The following SPINK2 variants were observed in gnomAD, a reference collection of about 807,000 sequenced individuals.
The protein encoded by SPINK2 is serine peptidase inhibitor Kazal type 2.
SPINK2 carries 8 observed loss-of-function variants against 13.5 expected under a neutral mutation model. The observed-to-expected ratio is 0.59, with a 90% CI of 0.35 to 1.07. SPINK2 has a LOEUF of 1.07. SPINK2 is among the 50% of genes least tolerant of loss of function. The pLI is 0.02. For synonymous variants in SPINK2, 76 were observed against 74.7 expected (o/e 1.02, Z -0.09); for missense variants, 148 against 180.3 (o/e 0.82, Z 1.03).
At chr4:56,815,717 C>A (rs900730827) in intron 2 of SPINK2, among the ~76,000 whole-genome samples, 2 of 150,582 alleles carry the variant, frequency 1.3e-5, no homozygotes, top group African/African-American at 4.9e-5. Context: ...AACAAACAAA[C>A]AACAAAGATG....
intron 3 of SPINK2, chr4:56,810,689 A>G (rs1716903450): frequency 6.6e-6 from 1 of 152,540 alleles, no homozygotes; most frequent in Admixed American, 6.5e-5. Context: ...TCTAACAAAA[A>G]TACAAAAATT....
intron 2 of SPINK2, among the ~76,000 whole-genome samples, chr4:56,813,150 C>A (rs571431577): frequency 1.6e-4 from 24 of 152,036 alleles, no homozygotes; most frequent in Non-Finnish European, 3.4e-4. Flanking sequence ...TGGTGAAACC[C>A]CATCTCTAGC....
At chr4:56,813,920 T>G (rs1196286474) in intron 2 of SPINK2, among the ~76,000 whole-genome samples, 1 of 62,406 alleles carries the variant, frequency 1.6e-5, no homozygotes, top group Non-Finnish European at 3.2e-5. Flanking sequence ...CACCTGGCCC[T>G]TTTTTTTTTT....
intron 2 of SPINK2, among the ~76,000 whole-genome samples, chr4:56,816,446 A>T (rs1354956766): frequency 6.6e-6 from 1 of 151,638 alleles, no homozygotes; most frequent in Non-Finnish European, 1.5e-5. Flanking sequence ...GAGGTCAGGA[A>T]TTCAAGACCA....
At chr4:56,810,265 T>C (rs776986307) in intron 3 of SPINK2, 81 bp from the exon 4 acceptor site, 5 of 1,133,502 alleles carry the variant, frequency 4.4e-6, no homozygotes, top group South Asian at 4.2e-5. Flanking sequence ...AAAAGACCCA[T>C]GTAGATAGAT....
intron 2 of SPINK2, among the ~76,000 whole-genome samples, chr4:56,812,540 G>A (rs1717080493): frequency 8.7e-6 from 1 of 115,334 alleles, no homozygotes; most frequent in African/African-American, 3.3e-5. Flanking sequence ...TCCAACCTGG[G>A]CAACGAGAAC....
At chr4:56,820,696 C>T (rs1717863954) in intron 1 of SPINK2, 117 bp from the exon 2 acceptor site, 2 of 817,138 alleles carry the variant, frequency 2.4e-6, no homozygotes, top group African/African-American at 1.8e-5. Context: ...GTCTTGACCT[C>T]CCGGGCTTAA....
chr4:56,817,837 G>C lies in SPINK2; in HGVS notation c.249+2699C>G, dbSNP rs1205406880. The stretch of plus-strand genomic sequence containing the variant: ...CCACTGCACTCCACCCTGGCAACAA[G>C]AGTGAAACTCCATCTCAAAAAAAAA... On this transcript the variant is annotated intron_variant, in intron 2 of 3. Coordinates refer to ENST00000506738, the MANE Select transcript of SPINK2 (RefSeq NM_001271718.2). Among the ~76,000 whole-genome samples the C allele has an allele frequency of 3.4e-5, 5 of 148,910 alleles. No individual in the cohort carries two copies. In the East Asian group the frequency reaches 5.9e-4, roughly 18 times the overall value.
At chr4:56,815,214 A>T (rs143713542) in intron 2 of SPINK2, among the ~76,000 whole-genome samples, 1 of 152,166 alleles carries the variant, frequency 6.6e-6, no homozygotes, top group East Asian at 1.9e-4. Context: ...AATAAAAGGC[A>T]TCCATGAATA....
intron 2 of SPINK2, among the ~76,000 whole-genome samples, chr4:56,813,634 T>C (rs76466629): frequency 6.6e-6 from 1 of 151,708 alleles, no homozygotes; most frequent in East Asian, 1.9e-4. Context: ...TTTTTTTTTT[T>C]GAGACAGAGT....
chr4:56,821,374 T>G, intron 1 of SPINK2, 84 bp downstream of exon 1: 1 of 1,419,080 alleles, frequency 7.0e-7, no homozygotes, highest in Non-Finnish European at 9.2e-7. Context: ...TCCTTAGAGC[T>G]GGGAGCGAAG....
intron 2 of SPINK2, among the ~76,000 whole-genome samples, chr4:56,814,876 G>A (rs1358849914): frequency 6.6e-6 from 1 of 151,480 alleles, no homozygotes; most frequent in Non-Finnish European, 1.5e-5. Context: ...CAGGAGAATG[G>A]CGTGAACCCA....
upstream of SPINK2, chr4:56,821,750 C>CGGGGAAAGGGGCGGGGGAAGGGGG: frequency 8.4e-7 from 1 of 1,190,190 alleles, no homozygotes; most frequent in Non-Finnish European, 1.1e-6. Context: ...GCGGGGAGGG[C>CGGGGAAAGGGGCGGGGGAAGGGGG]GGGGGAAGGG....
intron 3 of SPINK2, 47 bp downstream of exon 3, chr4:56,811,638 A>T: frequency 7.7e-7 from 1 of 1,290,836 alleles, no homozygotes; most frequent in Non-Finnish European, 1.1e-6. Context: ...AGAAAAAAAA[A>T]GAAATGAAGA....
chr4:56,821,722 G>C (rs532005468), upstream of SPINK2: 1 of 1,387,512 alleles, frequency 7.2e-7, no homozygotes, highest in Non-Finnish European at 9.3e-7. Context: ...CTCGCAGGGA[G>C]CGCTCGTGCG....
intron 2 of SPINK2, among the ~76,000 whole-genome samples, chr4:56,814,771 C>T (rs1233251273): frequency 6.6e-6 from 1 of 151,704 alleles, no homozygotes; most frequent in Non-Finnish European, 1.5e-5. Context: ...ACCATCCTGG[C>T]TAACACGATG....
chr4:56,811,665 C>T lies in SPINK2; in HGVS notation c.359+20G>A. The T allele has an allele frequency of 1.3e-6, 2 of 1,491,940 alleles. No individual in the cohort carries two copies. The highest frequency in any genetic ancestry group is 1.8e-5 in the Admixed American group (1 of 54,304). The allele number at this position is 1,491,940 out of a possible 1,614,324, so 92.4% of individuals were successfully genotyped here. ...AAATGAAGAAAACTTGGCTAGTCTA[C>T]AGCTGTAAAATCATGTTACCTGATT... On this transcript the variant is annotated intron_variant, in intron 3 of 3. Transcript: ENST00000506738.
chr4:56,819,521 G>C (rs1353005493), intron 2 of SPINK2, among the ~76,000 whole-genome samples: 4 of 152,114 alleles, frequency 2.6e-5, no homozygotes, highest in Admixed American at 2.0e-4. Context: ...AGCCAGACTT[G>C]AAGGAAATCA....
chr4:56,818,743 G>C (rs973278338), intron 2 of SPINK2, among the ~76,000 whole-genome samples: 1 of 152,094 alleles, frequency 6.6e-6, no homozygotes, highest in African/African-American at 2.4e-5. Context: ...TCTACATGTA[G>C]GAACTCACTC....
Sources: allele counts gnomAD v4.1 joint callset (sites outside exome capture counted in the v4.1 genomes callset), GRCh38; gene constraint gnomAD v4.1.1; transcripts MANE v1.5; gene names NCBI Gene and HGNC (gene_info 2026-07-23, HGNC 2026-07-21).